The following RAP1GAP2 variants were observed in gnomAD, a reference collection of about 807,000 sequenced individuals.
RAP1GAP2 encodes rap1 GTPase-activating protein 2.
A neutral mutation model predicts 95.0 loss-of-function variants in RAP1GAP2; 27 were observed. The observed-to-expected ratio is 0.28, with a 90% CI of 0.21 to 0.39. The LOEUF is 0.39. Ranked by LOEUF, RAP1GAP2 falls within the 10% of genes least tolerant of loss-of-function variation. The pLI, the probability that RAP1GAP2 is intolerant of heterozygous loss-of-function variation, is 1.00. For missense variants in RAP1GAP2, 771 were observed against 970.0 expected (o/e 0.79, Z 2.72); for synonymous variants, 373 against 380.9 (o/e 0.98, Z 0.24).
In RAP1GAP2 at chr17:2,832,385, C is replaced by T. The variant is rs1449963400; in HGVS notation, c.80+31835C>T. Reference sequence around the variant, plus strand: ...CATCCTGGCTAAAACGGTGAAACCCCATCTCTACTAAAAATACAAAAAATT... The same window carrying T: ...CATCCTGGCTAAAACGGTGAAACCCTATCTCTACTAAAAATACAAAAAATT... On this transcript the variant is annotated intron_variant, in intron 2 of 24. Transcript: ENST00000254695. Among the ~76,000 whole-genome samples the T allele has an allele frequency of 1.1e-4, 16 of 150,658 alleles. No homozygotes were observed. The South Asian group carries it at 1.5e-3, about 14-fold the overall frequency.
intron 4 of RAP1GAP2, among the ~76,000 whole-genome samples, chr17:2,960,142 C>T (rs865821148): frequency 9.6e-6 from 1 of 103,742 alleles, no homozygotes; most frequent in South Asian, 3.2e-4. Context: ...AAAAAAAAAA[C>T]AACAAAAAAA....
chr17:2,949,855 G>A (rs1411410248), intron 3 of RAP1GAP2, among the ~76,000 whole-genome samples: 1 of 152,226 alleles, frequency 6.6e-6, no homozygotes, highest in East Asian at 1.9e-4. Context: ...AGTGCAGCAA[G>A]TCGCTGAGAA....
chr17:2,786,046 C>T (rs1414467777), intron 1 of RAP1GAP2, among the ~76,000 whole-genome samples: 4 of 152,052 alleles, frequency 2.6e-5, no homozygotes, highest in Admixed American at 2.0e-4. Context: ...GGATTACAGG[C>T]ATGTGCCACC....
intron 1 of RAP1GAP2, among the ~76,000 whole-genome samples, chr17:2,788,953 T>A (rs1262700602): frequency 6.6e-6 from 1 of 152,148 alleles, no homozygotes; most frequent in Non-Finnish European, 1.5e-5. Flanking sequence ...TATGGAGATA[T>A]CCCCTAGCCC....
At chr17:2,882,517 C>T (rs980292903) in intron 2 of RAP1GAP2, among the ~76,000 whole-genome samples, 2 of 150,018 alleles carry the variant, frequency 1.3e-5, no homozygotes, top group Non-Finnish European at 1.5e-5. Flanking sequence ...GTCTCCATCT[C>T]TTGACGTCAT....
intron 3 of RAP1GAP2, among the ~76,000 whole-genome samples, chr17:2,939,138 T>A (rs2043397923): frequency 6.6e-6 from 1 of 152,186 alleles, no homozygotes; most frequent in South Asian, 2.1e-4. Context: ...TCGCCCAGGC[T>A]GGAGTGCAGT....
At chr17:2,960,650 C>T (rs2044284123) in intron 4 of RAP1GAP2, among the ~76,000 whole-genome samples, 1 of 152,210 alleles carries the variant, frequency 6.6e-6, no homozygotes, top group Non-Finnish European at 1.5e-5. Context: ...CAAGCAGCCT[C>T]CTTCTGGGGC....
chr17:2,960,803 C>G (rs1412658597), intron 4 of RAP1GAP2, among the ~76,000 whole-genome samples: 1 of 152,206 alleles, frequency 6.6e-6, no homozygotes. Flanking sequence ...TCAGAGGGGA[C>G]CTGTTTCTTC....
chr17:3,009,945 GCCTTCCACAGGCTCTAGACTT>G (rs555545153), intron 17 of RAP1GAP2, among the ~76,000 whole-genome samples: 3,729 of 152,184 alleles, frequency 0.025, 66 homozygotes, highest in South Asian at 0.039. Flanking sequence ...ACCACATTAA[GCCTTCCACAGGCTCTAGACTT>G]CCTTCCAGAG....
rs139721434 is a variant in RAP1GAP2 at position 2,943,048 on chromosome 17, T to G, written c.166-14711T>G. Among the ~76,000 whole-genome samples, 813 of 152,162 alleles carry G rather than the reference T, an allele frequency of 5.3e-3. 16 individuals are homozygous for G. The East Asian group carries it at 0.054, about 10-fold the overall frequency. ...CCACCCAAAGTGCTGGGATTACAGGTGTGAACCACCACACCTGACCTAGTT... is the reference window on the plus strand; with the variant it reads ...CCACCCAAAGTGCTGGGATTACAGGGGTGAACCACCACACCTGACCTAGTT... On this transcript the variant is annotated intron_variant, in intron 3 of 24. Transcript: ENST00000254695.
chr17:2,888,151 T>A (rs779560700), intron 2 of RAP1GAP2, among the ~76,000 whole-genome samples: 3 of 152,194 alleles, frequency 2.0e-5, no homozygotes, highest in African/African-American at 7.2e-5. Flanking sequence ...AATTGACACA[T>A]AATAATTATA....
chr17:2,900,980 C>T (rs565822871), intron 2 of RAP1GAP2, among the ~76,000 whole-genome samples: 33 of 152,282 alleles, frequency 2.2e-4, no homozygotes, highest in African/African-American at 7.7e-4. Context: ...GGTGGGGAGG[C>T]GAGGAGCCTG....
At chr17:2,941,404 T>C (rs1382593217) in intron 3 of RAP1GAP2, among the ~76,000 whole-genome samples, 2 of 151,688 alleles carry the variant, frequency 1.3e-5, no homozygotes, top group African/African-American at 4.8e-5. Context: ...CAAGACTCCA[T>C]CTAAAACATA....
rs1308879792 is a variant in RAP1GAP2, at chr17:3,034,100, T to G, written c.*739T>G. The G allele has an allele frequency of 1.3e-5, 2 of 154,644 alleles. No homozygotes were observed. Among genetic ancestry groups the G allele is most frequent in the Admixed American group, 6.5e-5 (1 of 15,284 alleles). The allele number at this position is 154,644 out of a possible 1,614,324, so 9.6% of individuals were successfully genotyped here. ...GAACTGCGCTGCACACTTCCTGGACTGAGGCGGGGACTTTGGGTCCCACCC... is the reference window on the plus strand; with the variant it reads ...GAACTGCGCTGCACACTTCCTGGACGGAGGCGGGGACTTTGGGTCCCACCC... On this transcript the variant is annotated 3_prime_UTR_variant, in exon 25 of 25. Coordinates refer to ENST00000254695, the MANE Select transcript of RAP1GAP2 (RefSeq NM_015085.5). The surrounding 1 kb of genome is among the most constrained non-coding windows in gnomAD (Gnocchi z 5.1).
intron 1 of RAP1GAP2, among the ~76,000 whole-genome samples, chr17:2,798,253 T>C (rs557760690): frequency 7.6e-4 from 115 of 152,256 alleles, no homozygotes; most frequent in African/African-American, 2.7e-3. Context: ...CGCCCTTGTG[T>C]GCTGGCTCAG....
intron 1 of RAP1GAP2, among the ~76,000 whole-genome samples, chr17:2,762,288 T>A (rs2151757117): frequency 6.6e-6 from 1 of 151,954 alleles, no homozygotes; most frequent in Non-Finnish European, 1.5e-5. Context: ...CGCCTGGCCG[T>A]CCATTTATAT....
chr17:2,896,506 C>T (rs1353165142), intron 2 of RAP1GAP2, among the ~76,000 whole-genome samples: 3 of 152,190 alleles, frequency 2.0e-5, no homozygotes, highest in African/African-American at 4.8e-5. Flanking sequence ...ACATAGAACT[C>T]GGAATCTCTG....
rs775248536 is a variant in RAP1GAP2 at position 2,963,835 on chromosome 17, C to T, written c.280-21C>T. 21 of 1,553,504 alleles carry T rather than the reference C, an allele frequency of 1.4e-5. No individual in the cohort carries two copies. Among genetic ancestry groups the T allele is most frequent in the African/African-American group, 8.1e-5 (6 of 73,742 alleles). On this transcript the variant is annotated intron_variant, in intron 6 of 24. Transcript: ENST00000254695. The surrounding 1 kb of genome is among the most constrained non-coding windows in gnomAD (Gnocchi z 4.8). Reference sequence around the variant, plus strand: ...TCCCCTGCGGTCCCAGGGGAGCGCACGACCCTCCCTCTGCCTTCAGGTTGT... The same window carrying T: ...TCCCCTGCGGTCCCAGGGGAGCGCATGACCCTCCCTCTGCCTTCAGGTTGT...
intron 21 of RAP1GAP2, 62 bp downstream of exon 21, chr17:3,026,526 G>A: frequency 7.8e-7 from 1 of 1,283,326 alleles, no homozygotes; most frequent in Non-Finnish European, 1.1e-6. Context: ...CACCCTCCTT[G>A]CATTAAAACG....
Sources: gnomAD v4.1 joint callset for allele counts (sites outside exome capture counted in the v4.1 genomes callset) on GRCh38, gnomAD v4.1.1 for gene constraint, Gnocchi (gnomAD v3.1) non-coding constraint, MANE v1.5 for transcripts, NCBI Gene and HGNC (gene_info 2026-07-23, HGNC 2026-07-21) for gene names.